SEMA6A: variants seen among roughly 807,000 people sequenced by gnomAD.
SEMA6A encodes semaphorin-6A.
SEMA6A carries 25 observed loss-of-function variants against 96.8 expected under a neutral mutation model. The observed-to-expected ratio is 0.26, with a 90% CI of 0.19 to 0.36. The LOEUF (loss-of-function observed/expected upper bound fraction) is 0.36, where lower values mean the gene tolerates loss of function less well. SEMA6A is among the 10% of genes least tolerant of loss of function. The pLI is 1.00. For missense variants in SEMA6A, 1,363 were observed against 1,323.1 expected (o/e 1.03, Z -0.47); for synonymous variants, 612 against 518.0 (o/e 1.18, Z -2.46).
At chr5:116,482,676 T>A in intron 10 of SEMA6A, 101 bp from the exon 11 acceptor site, 1 of 1,175,072 alleles carries the variant, frequency 8.5e-7, no homozygotes, top group East Asian at 2.4e-5. Flanking sequence ...CAAATGAAAT[T>A]TAAAGTTCAT....
At chr5:116,566,777 T>G (rs950323692) in intron 1 of SEMA6A, among the ~76,000 whole-genome samples, 1 of 152,236 alleles carries the variant, frequency 6.6e-6, no homozygotes, top group African/African-American at 2.4e-5. Flanking sequence ...CTATCTCTAC[T>G]GGGGTCAGCC....
At chr5:116,486,506 C>A in intron 10 of SEMA6A, 2 of 434,016 alleles carry the variant, frequency 4.6e-6, no homozygotes, top group Non-Finnish European at 8.2e-6. Flanking sequence ...GTTTATATAC[C>A]AGGCTTATAT....
intron 18 of SEMA6A, among the ~76,000 whole-genome samples, chr5:116,456,059 TA>T (rs1754991233): frequency 6.6e-6 from 1 of 152,226 alleles, no homozygotes; most frequent in Non-Finnish European, 1.5e-5. Flanking sequence ...AAGATTAGAC[TA>T]TTTTAAGGCA....
At chr5:116,540,050 C>T (rs564433797) in intron 1 of SEMA6A, among the ~76,000 whole-genome samples, 3 of 152,094 alleles carry the variant, frequency 2.0e-5, no homozygotes, top group East Asian at 1.9e-4. Context: ...TATTTTCTTG[C>T]GCTAAACTGC....
In SEMA6A at chr5:116,486,758, G is replaced by T. The variant is rs1757068419; in HGVS notation, c.953C>A (p.Pro318His). ...RDVVLATFST[P>H]YNSIPGSAVC... is the part of the protein sequence containing the mutation. Reference sequence around the variant, plus strand: ...GCTAGGGCATGATTACCTGTTATAAGGTGTAGAAAACGTTGCCAGGACAAC... The same window carrying T: ...GCTAGGGCATGATTACCTGTTATAATGTGTAGAAAACGTTGCCAGGACAAC... The change falls in exon 10 of 19, where the codon CCT becomes CAT. Residue 318 changes from proline (P) to histidine (H), a missense_variant. This residue lies in a region of SEMA6A where 480 missense variants were observed against 559.5 expected (regional missense o/e 0.86). Transcript: ENST00000343348. 2 of 1,613,170 alleles carry T rather than the reference G, an allele frequency of 1.2e-6. No homozygotes were observed. Among genetic ancestry groups the T allele is most frequent in the African/African-American group, 1.3e-5 (1 of 74,886 alleles).
In SEMA6A at chr5:116,512,957, G is replaced by A. The variant is rs148410237; in HGVS notation, c.-38-7975C>T. ...CCATCTTTGTAAACGTTCTTTGTTT[G>A]TTTGTTGTTGGCTTAAAGGTGGCTA... On this transcript the variant is annotated intron_variant, in intron 1 of 18. Coordinates refer to ENST00000343348, the MANE Select transcript of SEMA6A (RefSeq NM_020796.5). Among the ~76,000 whole-genome samples the A allele has an allele frequency of 5.3e-4, 81 of 152,280 alleles. 1 individual carries two copies. The East Asian group carries it at 0.013, about 24-fold the overall frequency.
chr5:116,554,941 C>G (rs1760553342), intron 1 of SEMA6A: 1 of 152,174 alleles, frequency 6.6e-6, no homozygotes, highest in Non-Finnish European at 1.5e-5. Context: ...TTGATGAAGC[C>G]TTTTGTGTTG....
Position 116,488,150 on chromosome 5 carries a change from G to T in SEMA6A, c.702C>A (p.Phe234Leu), listed in dbSNP as rs372410562. The change falls in exon 9 of 19, where the codon TTC becomes TTA. Residue 234 changes from phenylalanine to leucine, a missense_variant. By Grantham distance (22) the Phe-to-Leu change is conservative (BLOSUM62 0). Coordinates refer to ENST00000343348, the MANE Select transcript of SEMA6A (RefSeq NM_020796.5). ...QAVDYGDYIY[F>L]FFREIAVEYN... is the part of the protein sequence containing the mutation. ...ACTCCACTGCTATTTCCCTGAAGAA[G>T]AAGTAGATATAATCTCCGTAATCCA... The T allele has an allele frequency of 6.2e-6, 10 of 1,612,442 alleles. No homozygotes were observed. Among genetic ancestry groups the T allele is most frequent in the Non-Finnish European group, 7.6e-6 (9 of 1,179,146 alleles).
chr5:116,467,264 A>G (rs1202077723), intron 18 of SEMA6A, among the ~76,000 whole-genome samples: 1 of 152,170 alleles, frequency 6.6e-6, no homozygotes, highest in Admixed American at 6.5e-5. Flanking sequence ...ACGGTCCAAA[A>G]ATCACAGAAT....
chr5:116,480,071 CATGAG>C, intron 12 of SEMA6A, 46 bp downstream of exon 12: 1 of 1,597,302 alleles, frequency 6.3e-7, no homozygotes, highest in South Asian at 1.1e-5. Flanking sequence ...GGTTCTCCGA[CATGAG>C]ATGAAGTTAG....
At chr5:116,528,172 G>T (rs1759311342) in intron 1 of SEMA6A, among the ~76,000 whole-genome samples, 1 of 151,976 alleles carries the variant, frequency 6.6e-6, no homozygotes, top group African/African-American at 2.4e-5. Flanking sequence ...CTTAACAATT[G>T]GAAAAATATT....
intron 1 of SEMA6A, among the ~76,000 whole-genome samples, chr5:116,514,733 GCTGCCTGATGTTCATTACTACCA>G (rs1758587455): frequency 1.3e-5 from 2 of 152,214 alleles, no homozygotes; most frequent in African/African-American, 4.8e-5. Flanking sequence ...TCCTTGGCTT[GCTGCCTGATGTTCATTACTACCA>G]CTGCCTGATT....
intron 10 of SEMA6A, among the ~76,000 whole-genome samples, chr5:116,486,314 A>G (rs1757045950): frequency 6.6e-6 from 1 of 152,252 alleles, no homozygotes. Context: ...ACTGCAAATT[A>G]TTAGATGACC....
chr5:116,463,433 T>C (rs1755538250), intron 18 of SEMA6A, among the ~76,000 whole-genome samples: 1 of 152,256 alleles, frequency 6.6e-6, no homozygotes, highest in Non-Finnish European at 1.5e-5. Flanking sequence ...AAATTCCATT[T>C]AGGATTGTGA....
At chr5:116,542,992 CAT>C (rs1760037746) in intron 1 of SEMA6A, among the ~76,000 whole-genome samples, 1 of 152,122 alleles carries the variant, frequency 6.6e-6, no homozygotes, top group African/African-American at 2.4e-5. Context: ...TCTGTAAGTA[CAT>C]ATATTTGAAT....
At chr5:116,474,309 C>CACA (rs1491092297) in intron 16 of SEMA6A, among the ~76,000 whole-genome samples, 1 of 148,096 alleles carries the variant, frequency 6.8e-6, no homozygotes, top group African/African-American at 2.5e-5. Context: ...CACACACACA[C>CACA]ATCTTAAAAC....
At chr5:116,483,039 A>G (rs977402319) in intron 10 of SEMA6A, among the ~76,000 whole-genome samples, 2 of 152,174 alleles carry the variant, frequency 1.3e-5, no homozygotes, top group African/African-American at 4.8e-5. Context: ...CCAAGAACTT[A>G]GGGTGTGAGA....
At chr5:116,449,426 G>A (rs1236099540) in intron 18 of SEMA6A, 2 of 695,332 alleles carry the variant, frequency 2.9e-6, no homozygotes, top group African/African-American at 1.8e-5. Context: ...AGAATGAAAG[G>A]AAATAAAGAT....
rs1210994660 is a variant in SEMA6A, at chr5:116,558,616, C to T, written c.-39+15569G>A. Among the ~76,000 whole-genome samples, 2 of 52,924 alleles carry T rather than the reference C, an allele frequency of 3.8e-5. 1 individual carries two copies. The highest frequency in any genetic ancestry group is 9.4e-5 in the Non-Finnish European group (2 of 21,346). 34.7% of individuals were successfully genotyped at this position (52,924 alleles called of 152,430 possible). On this transcript the variant is annotated intron_variant, in intron 1 of 18. Coordinates refer to ENST00000343348, the MANE Select transcript of SEMA6A (RefSeq NM_020796.5). Reference sequence around the variant, plus strand: ...TAGCTGGGACTACAGGCGCCCGCCACCGCGCCCGGCTAATTTTTTGTATTT... The same window carrying T: ...TAGCTGGGACTACAGGCGCCCGCCATCGCGCCCGGCTAATTTTTTGTATTT...
Sources: gnomAD v4.1 joint callset for allele counts (sites outside exome capture counted in the v4.1 genomes callset) on GRCh38, gnomAD v4.1.1 for gene constraint, gnomAD v4.1.1 regional missense constraint, MANE v1.5 for transcripts, NCBI Gene and HGNC (gene_info 2026-07-23, HGNC 2026-07-21) for gene names.